Variants in CNPY1 observed in about 807,000 individuals in gnomAD.
The protein encoded by CNPY1 is canopy FGF signaling regulator 1.
CNPY1 carries 14 observed loss-of-function variants against 14.4 expected under a neutral mutation model. The ratio of observed to expected loss-of-function variants is 0.97; its 90% CI spans 0.64 to 1.52. The LOEUF is 1.52. Ranked by LOEUF, CNPY1 falls within the 40% of genes most tolerant of loss-of-function variation. The probability of loss-of-function intolerance (pLI) is 0.00; values close to 1 mark genes in which losing one functional copy is unlikely to be tolerated. For synonymous variants in CNPY1, 43 were observed against 46.5 expected, an observed-to-expected ratio of 0.92 and a Z score of 0.31; for missense variants, 129 against 131.5, an observed-to-expected ratio of 0.98 and a Z score of 0.09.
intron 1 of CNPY1, 33 bp from the exon 2 acceptor site, chr7:155,545,976 G>C (rs915426210): frequency 2.5e-6 from 1 of 398,616 alleles, no homozygotes; most frequent in East Asian, 3.6e-5. Context: ...GTGATCAGAG[G>C]AGGAGGCGAG....
At chr7:155,544,125 G>A (rs1379694583) in intron 2 of CNPY1, among the ~76,000 whole-genome samples, 2 of 152,184 alleles carry the variant, frequency 1.3e-5, no homozygotes, top group African/African-American at 4.8e-5. Context: ...ACTCAAGGAT[G>A]CAGTGTGAAT....
chr7:155,528,935 C>T (rs1796884901), intron 2 of CNPY1, among the ~76,000 whole-genome samples: 2 of 152,154 alleles, frequency 1.3e-5, no homozygotes, highest in South Asian at 4.1e-4. Flanking sequence ...GTGGCAGGCG[C>T]CTGTGGTCCC....
chr7:155,532,605 T>A (rs1019194627), intron 2 of CNPY1, among the ~76,000 whole-genome samples: 4 of 150,078 alleles, frequency 2.7e-5, no homozygotes, highest in Non-Finnish European at 5.9e-5. Flanking sequence ...TGGGCGAGAG[T>A]GCGAGACTCC....
chr7:155,507,760 C>A (rs1488724934), intron 3 of CNPY1, among the ~76,000 whole-genome samples: 1 of 152,162 alleles, frequency 6.6e-6, no homozygotes, highest in Non-Finnish European at 1.5e-5. Context: ...CAAATACACC[C>A]CTGCATTTGA....
chr7:155,532,348 G>T (rs1430549184), intron 2 of CNPY1, among the ~76,000 whole-genome samples: 1 of 152,068 alleles, frequency 6.6e-6, no homozygotes, highest in South Asian at 2.1e-4. Context: ...ATGGGCCCGG[G>T]GCCGTGGCTC....
intron 2 of CNPY1, among the ~76,000 whole-genome samples, chr7:155,539,050 C>T (rs1351759007): frequency 1.3e-5 from 2 of 151,660 alleles, no homozygotes; most frequent in African/African-American, 4.8e-5. Context: ...CTTTGTCGCT[C>T]CCCACCCCAC....
intron 2 of CNPY1, among the ~76,000 whole-genome samples, chr7:155,541,059 G>A (rs548700608): frequency 6.6e-6 from 1 of 152,380 alleles, no homozygotes; most frequent in South Asian, 2.1e-4. Context: ...CTTTGTGCCA[G>A]TGTGAGGAGC....
At chr7:155,519,112 C>T (rs1476348405) in intron 2 of CNPY1, among the ~76,000 whole-genome samples, 1 of 152,160 alleles carries the variant, frequency 6.6e-6, no homozygotes, top group African/African-American at 2.4e-5. Flanking sequence ...TCAGCGAACA[C>T]CTGGAGTGTT....
At chr7:155,514,483 G>A (rs960157612) in intron 2 of CNPY1, among the ~76,000 whole-genome samples, 5 of 152,164 alleles carry the variant, frequency 3.3e-5, no homozygotes, top group South Asian at 4.1e-4. Flanking sequence ...AACCACCTCT[G>A]CAAAACATTT....
At chr7:155,518,913 C>T (rs1158274031) in intron 2 of CNPY1, among the ~76,000 whole-genome samples, 1 of 152,296 alleles carries the variant, frequency 6.6e-6, no homozygotes, top group African/African-American at 2.4e-5. Context: ...AAAAAGGGGT[C>T]GTGTTTTCTC....
rs920062885 is a variant in CNPY1, at chr7:155,546,413, C to G, written c.-15+16G>C. ...ATGTTGCCCAGGTAGGTCTTGAACTCAAGCCATCCTCCTACCTTGGCCTCC... is the reference window on the plus strand; with the variant it reads ...ATGTTGCCCAGGTAGGTCTTGAACTGAAGCCATCCTCCTACCTTGGCCTCC... On this transcript the variant is annotated intron_variant, in intron 1 of 4. Coordinates refer to ENST00000636446, the MANE Select transcript of CNPY1 (RefSeq NM_001393663.1). The G allele has an allele frequency of 2.5e-6, 1 of 397,782 alleles. No individual in the cohort carries two copies. The highest frequency in any genetic ancestry group is 2.1e-5 in the African/African-American group (1 of 48,340). 24.6% of individuals were successfully genotyped at this position (397,782 alleles called of 1,614,324 possible).
At chr7:155,541,924 A>G (rs1024424579) in intron 2 of CNPY1, among the ~76,000 whole-genome samples, 1 of 151,294 alleles carries the variant, frequency 6.6e-6, no homozygotes, top group Non-Finnish European at 1.5e-5. Context: ...CTTTGCTGGG[A>G]TTCTCCCAGG....
chr7:155,545,755 A>C (rs1487641989), intron 2 of CNPY1, 76 bp downstream of exon 2: 1 of 396,976 alleles, frequency 2.5e-6, no homozygotes, highest in Admixed American at 4.4e-5. Flanking sequence ...ATTAAGACCA[A>C]CTGCTGTTTG....
At chr7:155,528,381 T>C (rs58665150) in intron 2 of CNPY1, among the ~76,000 whole-genome samples, 60,007 of 152,234 alleles carry the variant, frequency 0.39, 12,347 homozygotes, top group East Asian at 0.58. Context: ...TGTGTTCACA[T>C]AGCTCTGACA....
At chr7:155,524,361 C>G (rs887545053) in intron 2 of CNPY1, among the ~76,000 whole-genome samples, 3 of 152,214 alleles carry the variant, frequency 2.0e-5, no homozygotes, top group Non-Finnish European at 4.4e-5. Flanking sequence ...TGGACCAGTA[C>G]CAGTCTGCAG....
intron 2 of CNPY1, 63 bp from the exon 3 acceptor site, chr7:155,509,160 G>C (rs1370217262): frequency 3.1e-6 from 3 of 956,382 alleles, no homozygotes; most frequent in Admixed American, 2.9e-5. Flanking sequence ...AAGACCTTCC[G>C]GCGAGTCCAC....
chr7:155,535,338 A>C (rs574530194), intron 2 of CNPY1, among the ~76,000 whole-genome samples: 1 of 152,250 alleles, frequency 6.6e-6, no homozygotes, highest in South Asian at 2.1e-4. Context: ...TTCAGGGGAG[A>C]GCCTTCTCAG....
rs1796144318 is a variant in CNPY1, at chr7:155,502,365, GTCATCTT to G, written c.*696_*702del. 6.6e-6 allele frequency: 1 copy of G among 152,100 alleles called. No individual in the cohort carries two copies. Among genetic ancestry groups the G allele is most frequent in the South Asian group, 2.1e-4 (1 of 4,826 alleles). 9.4% of individuals were successfully genotyped at this position (152,100 alleles called of 1,614,324 possible). A position where few individuals can be genotyped will look rare whatever the true frequency, so the allele number is the denominator to read the frequency against. ...AGCGAAACAAAACGCAATCACTAGT[GTCATCTT>G]TTAACACCTGATGCAATAATAAATC... is the stretch of plus-strand genomic sequence containing the variant. On this transcript the variant is annotated 3_prime_UTR_variant, in exon 5 of 5. Coordinates refer to ENST00000636446, the MANE Select transcript of CNPY1 (RefSeq NM_001393663.1).
At chr7:155,522,286 C>T (rs960003953) in intron 2 of CNPY1, among the ~76,000 whole-genome samples, 11 of 152,244 alleles carry the variant, frequency 7.2e-5, no homozygotes, top group Non-Finnish European at 1.0e-4. Context: ...AAACCGAGGC[C>T]CTGAGACACA....
Sources: gnomAD v4.1 joint callset for allele counts (sites outside exome capture counted in the v4.1 genomes callset) on GRCh38, gnomAD v4.1.1 for gene constraint, MANE v1.5 for transcripts, NCBI Gene and HGNC (gene_info 2026-07-23, HGNC 2026-07-21) for gene names.